The following BMPER variants were observed in gnomAD, a reference collection of about 807,000 sequenced individuals.
The protein encoded by BMPER is BMP-binding endothelial regulator protein.
Under a neutral mutation model 87.3 loss-of-function variants are expected in BMPER, and 45 were observed. The observed-to-expected ratio is 0.52, with a 90% CI of 0.41 to 0.66. BMPER has a LOEUF of 0.66. Ranked by LOEUF, BMPER falls within the 30% of genes least tolerant of loss-of-function variation. The pLI is 0.00. For missense variants in BMPER, 784 were observed against 867.5 expected, an observed-to-expected ratio of 0.90 and a Z score of 1.21; for synonymous variants, 326 against 316.2, an observed-to-expected ratio of 1.03 and a Z score of -0.33.
chr7:34,129,650 A>G (rs1200515444), intron 13 of BMPER, among the ~76,000 whole-genome samples: 1 of 149,980 alleles, frequency 6.7e-6, no homozygotes, highest in African/African-American at 2.5e-5. Context: ...GAAAGAAAGA[A>G]AGAAAGAAAG....
Position 34,079,072 on chromosome 7 carries a change from C to T in BMPER, c.1294C>T (p.Leu432=). 1 of 1,614,124 alleles carries T rather than the reference C, an allele frequency of 6.2e-7. No homozygotes were observed. ...GGTGCTGGGCGAGAGCAGGGTCAGC[C>T]TGCAGCAGCACCTCACCGTGCGCTG... is the stretch of plus-strand genomic sequence containing the variant. ...ELVLGESRVS[L]QQHLTVRWNG... The change falls in exon 12 of 15, where the codon CTG becomes TTG. Residue 432 remains leucine (L), a synonymous_variant. Coordinates refer to ENST00000649409, the MANE Select transcript of BMPER (RefSeq NM_001365308.1).
rs1302820940 is a variant in BMPER, at chr7:34,051,847, C to G, written c.677-14C>G. 2.5e-6 allele frequency: 4 copies of G among 1,596,222 alleles called. No individual in the cohort carries two copies. Among genetic ancestry groups the G allele is most frequent in the African/African-American group, 2.7e-5 (2 of 74,504 alleles). ...ATTCTGTCTTACTTACACTGTGCTT[C>G]TGTTTCTCTCTAGGTCAGAGGAAAG... On this transcript the variant is annotated splice_polypyrimidine_tract_variant and intron_variant, in intron 7 of 14. Transcript: ENST00000649409.
At chr7:33,992,140 G>T (rs1023947682) in intron 6 of BMPER, among the ~76,000 whole-genome samples, 1 of 151,414 alleles carries the variant, frequency 6.6e-6, no homozygotes, top group African/African-American at 2.4e-5. Context: ...GGTCCACTTG[G>T]TGCAGAGCTG....
intron 13 of BMPER, among the ~76,000 whole-genome samples, chr7:34,109,093 G>A (rs1789896564): frequency 6.6e-6 from 1 of 152,196 alleles, no homozygotes; most frequent in Non-Finnish European, 1.5e-5. Context: ...TTGGCGAGCT[G>A]GAGACCCAGG....
At chr7:34,070,877 G>A (rs1788720526) in intron 11 of BMPER, among the ~76,000 whole-genome samples, 1 of 132,652 alleles carries the variant, frequency 7.5e-6, no homozygotes, top group African/African-American at 2.8e-5. Flanking sequence ...CAGGATTGAT[G>A]TTTCACAGGA....
intron 13 of BMPER, among the ~76,000 whole-genome samples, chr7:34,121,097 A>G (rs1583458878): frequency 6.6e-6 from 1 of 151,748 alleles, no homozygotes; most frequent in Non-Finnish European, 1.5e-5. Context: ...TTAATGTATT[A>G]TGTTACTAAA....
intron 2 of BMPER, 71 bp downstream of exon 2, chr7:33,906,974 A>C: frequency 7.4e-7 from 1 of 1,342,358 alleles, no homozygotes; most frequent in Non-Finnish European, 1.1e-6. Flanking sequence ...AAATGTGATA[A>C]TATAACCAGA....
intron 13 of BMPER, among the ~76,000 whole-genome samples, chr7:34,128,608 A>G (rs1790464357): frequency 6.6e-6 from 1 of 152,254 alleles, no homozygotes. Flanking sequence ...AAAGCCCCCC[A>G]AAAGTTTAAC....
chr7:33,971,122 G>T (rs564905337), intron 5 of BMPER, among the ~76,000 whole-genome samples: 42 of 145,188 alleles, frequency 2.9e-4, no homozygotes, highest in Middle Eastern at 3.6e-3. Flanking sequence ...TTGTTTTTTT[G>T]TTTTTTTTTT....
At chr7:34,098,560 A>G (rs940107214) in intron 13 of BMPER, among the ~76,000 whole-genome samples, 3 of 152,046 alleles carry the variant, frequency 2.0e-5, no homozygotes, top group African/African-American at 7.2e-5. Flanking sequence ...CATCTTACCT[A>G]GTGTTTGGAG....
chr7:33,980,816 G>A (rs1785836282), intron 6 of BMPER, among the ~76,000 whole-genome samples: 1 of 152,310 alleles, frequency 6.6e-6, no homozygotes, highest in East Asian at 1.9e-4. Flanking sequence ...TTGTTAATGG[G>A]CTGTCTGTGA....
chr7:34,088,260 G>T (rs1407571085), intron 13 of BMPER, among the ~76,000 whole-genome samples: 5 of 152,202 alleles, frequency 3.3e-5, no homozygotes, highest in African/African-American at 1.2e-4. Context: ...CCTGGAAAGG[G>T]CAGAGGAGCT....
intron 7 of BMPER, among the ~76,000 whole-genome samples, chr7:34,047,252 CCTT>C (rs535011658): frequency 7.2e-4 from 109 of 151,638 alleles, no homozygotes; most frequent in African/African-American, 2.3e-3. Context: ...TTATATGCTA[CCTT>C]CTTCTTCTTC....
At chr7:34,123,232 T>TA (rs1427381210) in intron 13 of BMPER, among the ~76,000 whole-genome samples, 2 of 152,194 alleles carry the variant, frequency 1.3e-5, no homozygotes, top group Non-Finnish European at 2.9e-5. Context: ...TTATGTATCT[T>TA]AGTTTTTTCT....
Position 33,942,020 on chromosome 7 carries a change from G to T in BMPER, c.319+4632G>T, listed in dbSNP as rs558452966. Among the ~76,000 whole-genome samples, 43 of 152,198 alleles carry T rather than the reference G, an allele frequency of 2.8e-4. 1 individual carries two copies. The South Asian group carries it at 8.7e-3, about 31-fold the overall frequency. ...GCGTGTACCTAACATAGTGCAGTGG[G>T]TGCCAGGCAGAATGGGTGCAGGGCA... is the stretch of plus-strand genomic sequence containing the variant. On this transcript the variant is annotated intron_variant, in intron 3 of 14. Coordinates refer to ENST00000649409, the MANE Select transcript of BMPER (RefSeq NM_001365308.1).
intron 1 of BMPER, among the ~76,000 whole-genome samples, chr7:33,906,448 G>T (rs6976432): frequency 0.65 from 99,391 of 151,898 alleles, 32,689 homozygotes; most frequent in Middle Eastern, 0.82. Context: ...CAATTTGAGG[G>T]TTTTTTTAAA....
chr7:34,130,574 T>G (rs1790557911), intron 13 of BMPER, among the ~76,000 whole-genome samples: 1 of 152,244 alleles, frequency 6.6e-6, no homozygotes, highest in Non-Finnish European at 1.5e-5. Flanking sequence ...AAACAGGTTT[T>G]GAGCATGTAC....
intron 6 of BMPER, among the ~76,000 whole-genome samples, chr7:34,034,380 G>A (rs902720316): frequency 6.6e-6 from 1 of 152,134 alleles, no homozygotes; most frequent in African/African-American, 2.4e-5. Context: ...GAAAGTCGGA[G>A]TTCATGATAG....
intron 13 of BMPER, among the ~76,000 whole-genome samples, chr7:34,123,294 G>A (rs548424961): frequency 6.6e-6 from 1 of 152,168 alleles, no homozygotes; most frequent in African/African-American, 2.4e-5. Flanking sequence ...GAGAATCAGA[G>A]GCCAGTGCTA....
Sources: allele counts gnomAD v4.1 joint callset (sites outside exome capture counted in the v4.1 genomes callset), GRCh38; gene constraint gnomAD v4.1.1; transcripts MANE v1.5; gene names NCBI Gene and HGNC (gene_info 2026-07-23, HGNC 2026-07-21).